RP1: variants seen among roughly 807,000 people sequenced by gnomAD.
RP1 encodes RP1 axonemal microtubule associated, also known as oxygen-regulated protein 1.
Under a neutral mutation model 14.8 loss-of-function variants are expected in RP1, and 16 were observed. That is an observed-to-expected ratio of 1.08 (90% CI 0.73 to 1.65). The LOEUF (loss-of-function observed/expected upper bound fraction) is 1.65. RP1 is among the 40% of genes most tolerant of loss of function. The pLI is 0.00. For missense variants in RP1, 2,631 were observed against 2,535.0 expected, an observed-to-expected ratio of 1.04 and a Z score of -0.81; for synonymous variants, 876 against 883.6, an observed-to-expected ratio of 0.99 and a Z score of 0.15.
chr8:54,701,629 A>G, exon 14 of RP1: 1 of 1,535,116 alleles, frequency 6.5e-7, no homozygotes, highest in South Asian at 1.2e-5. Context: ...CAGGCTATGC[A>G]AATCTTTCAA....
At chr8:54,773,979 G>A (rs564246622), downstream of RP1, among the ~76,000 whole-genome samples, 3 of 152,170 alleles carry the variant, frequency 2.0e-5, no homozygotes, top group Middle Eastern at 3.4e-3. Flanking sequence ...TACATGCTTG[G>A]CTGGCCTCAC....
downstream of RP1, among the ~76,000 whole-genome samples, chr8:54,773,607 G>T (rs969344448): frequency 6.6e-6 from 1 of 151,998 alleles, no homozygotes; most frequent in African/African-American, 2.4e-5. Context: ...ACTGCACTCT[G>T]GCCTGGGCAA....
In RP1 at chr8:54,627,173, T is replaced by C; in HGVS notation, c.3291T>C (p.Gly1097=). Residue 1097 remains glycine, a synonymous_variant, in exon 4 of 4, where the codon GGT becomes GGC. Transcript: ENST00000220676. ...MLHQLQASVP[G]IHKTQNGVVQ... ...ACCAATTGCAAGCTTCAGTTCCTGG[T>C]ATTCACAAGACTCAGAATGGAGTTG... is the stretch of plus-strand genomic sequence containing the variant. The C allele has an allele frequency of 1.9e-6, 3 of 1,614,084 alleles. No homozygotes were observed. The highest frequency in any genetic ancestry group is 1.1e-5 in the South Asian group (1 of 91,082).
chr8:54,735,217 A>G (rs1023354583), intron 18 of RP1, among the ~76,000 whole-genome samples: 2 of 152,146 alleles, frequency 1.3e-5, no homozygotes, highest in South Asian at 4.1e-4. Flanking sequence ...TTTCCTTGGC[A>G]TCTTCACAGG....
chr8:54,762,939 G>A (rs753604641), intron 22 of RP1, among the ~76,000 whole-genome samples: 3 of 152,096 alleles, frequency 2.0e-5, no homozygotes, highest in Non-Finnish European at 4.4e-5. Flanking sequence ...TTATCTTTTT[G>A]TAAGGACACT....
intron 1 of RP1, among the ~76,000 whole-genome samples, chr8:54,589,118 G>A (rs1423136670): frequency 6.6e-6 from 1 of 152,094 alleles, no homozygotes; most frequent in Non-Finnish European, 1.5e-5. Flanking sequence ...ACTGGGCCTG[G>A]CACACAGCAG....
At chr8:54,568,409 C>T (rs1804452272) in intron 1 of RP1, among the ~76,000 whole-genome samples, 2 of 152,194 alleles carry the variant, frequency 1.3e-5, no homozygotes, top group South Asian at 4.1e-4. Context: ...TTGGCCAGAA[C>T]TGGTGGTAGT....
At chr8:54,695,295 A>G (rs927205578) in intron 12 of RP1, among the ~76,000 whole-genome samples, 1 of 152,108 alleles carries the variant, frequency 6.6e-6, no homozygotes, top group Non-Finnish European at 1.5e-5. Flanking sequence ...TTATTCAACA[A>G]ATATTTATAA....
At chr8:54,852,408 AG>A (rs1812077739) in intron 25 of RP1, among the ~76,000 whole-genome samples, 1 of 152,222 alleles carries the variant, frequency 6.6e-6, no homozygotes. Context: ...GTAAACATTA[AG>A]TAGCTGGAAG....
intron 19 of RP1, among the ~76,000 whole-genome samples, chr8:54,743,341 T>C (rs1028166808): frequency 6.6e-6 from 1 of 152,176 alleles, no homozygotes; most frequent in Non-Finnish European, 1.5e-5. Flanking sequence ...CACCATAAAA[T>C]TTTTACCCAC....
intron 4 of RP1, among the ~76,000 whole-genome samples, chr8:54,652,033 A>G (rs1347075736): frequency 7.1e-6 from 1 of 141,556 alleles, no homozygotes; most frequent in African/African-American, 2.6e-5. Context: ...TCTGAGATGG[A>G]GTCTATCTCT....
chr8:54,724,753 A>G (rs1362813642), intron 16 of RP1, among the ~76,000 whole-genome samples: 1 of 152,190 alleles, frequency 6.6e-6, no homozygotes, highest in African/African-American at 2.4e-5. Context: ...AACTTGCTGG[A>G]TGACATTTCC....
intron 12 of RP1, among the ~76,000 whole-genome samples, chr8:54,686,436 A>T (rs150950598): frequency 6.6e-6 from 1 of 150,740 alleles, no homozygotes; most frequent in East Asian, 1.9e-4. Flanking sequence ...TTAGTTATTC[A>T]GCTGCTTGTG....
At chr8:54,775,894 C>T (rs12678706) in intron 23 of RP1, among the ~76,000 whole-genome samples, 6 of 152,100 alleles carry the variant, frequency 3.9e-5, no homozygotes, top group African/African-American at 1.4e-4. Flanking sequence ...AGATTTGAAC[C>T]TAGTAGATTG....
In RP1 at chr8:54,655,974, C is replaced by T. The variant is rs1585583992; in HGVS notation, c.1039-109C>T. 21 of 686,310 alleles carry T rather than the reference C, an allele frequency of 3.1e-5. No homozygotes were observed. The East Asian group carries it at 6.4e-4, about 21-fold the overall frequency. 42.5% of individuals were successfully genotyped at this position (686,310 alleles called of 1,614,324 possible). A position where few individuals can be genotyped will look rare whatever the true frequency, so the allele number is the denominator to read the frequency against. Reference sequence around the variant, plus strand: ...CACTGTCAAATTATCAACAGTTTCTCATATTAAAAATAATTCTCTGAGCTA... The same window carrying T: ...CACTGTCAAATTATCAACAGTTTCTTATATTAAAAATAATTCTCTGAGCTA... On this transcript the variant is annotated intron_variant, in intron 5 of 22. Coordinates refer to the RP1 transcript ENST00000636932.
At chr8:54,707,569 T>G (rs769013465) in intron 15 of RP1, among the ~76,000 whole-genome samples, 38 of 152,238 alleles carry the variant, frequency 2.5e-4, no homozygotes, top group Non-Finnish European at 5.3e-4. Context: ...CTCCATCTAT[T>G]ATTGTTTAAA....
At position 54,754,761 on chromosome 8, in the gene RP1, T is replaced by G. The variant is rs944763583; in HGVS notation, c.2809-42T>G. On this transcript the variant is annotated intron_variant, in intron 19 of 22. Coordinates refer to the RP1 transcript ENST00000636932. ...TGTGAATTCCAAGTTCTTTGAGAAA[T>G]TGGAGATGACACAATTTGGTCATTT... is the stretch of plus-strand genomic sequence containing the variant. 5 of 1,465,018 alleles carry G rather than the reference T, an allele frequency of 3.4e-6. No individual in the cohort carries two copies. In the African/African-American group the frequency reaches 7.1e-5, roughly 21 times the overall value. The allele number at this position is 1,465,018 out of a possible 1,614,324, so 90.8% of individuals were successfully genotyped here. A position where few individuals can be genotyped will look rare whatever the true frequency, so the allele number is the denominator to read the frequency against.
intron 12 of RP1, among the ~76,000 whole-genome samples, chr8:54,694,092 T>G (rs191922214): frequency 6.6e-6 from 1 of 152,202 alleles, no homozygotes; most frequent in Non-Finnish European, 1.5e-5. Flanking sequence ...GGTTTTTGTC[T>G]TTGGTTCTAT....
exon 16 of RP1, chr8:54,720,266 C>T (rs745929193): frequency 1.3e-6 from 2 of 1,535,748 alleles, no homozygotes; most frequent in Non-Finnish European, 1.7e-6. Context: ...TGATTTATAC[C>T]AAGGATGAGA....
Sources: allele counts gnomAD v4.1 joint callset (sites outside exome capture counted in the v4.1 genomes callset), GRCh38; gene constraint gnomAD v4.1.1; transcripts MANE v1.5; gene names NCBI Gene and HGNC (gene_info 2026-07-23, HGNC 2026-07-21).